The following ESRRB variants were observed in gnomAD, a reference collection of about 807,000 sequenced individuals.
The protein encoded by ESRRB is steroid hormone receptor ERR2.
Under a neutral mutation model 46.0 loss-of-function variants are expected in ESRRB, and 16 were observed. The observed-to-expected ratio is 0.35, with a 90% CI of 0.24 to 0.53. The LOEUF (loss-of-function observed/expected upper bound fraction) is 0.53. ESRRB is among the 20% of genes least tolerant of loss of function. ESRRB has a pLI of 0.93. For missense variants in ESRRB, 488 were observed against 607.4 expected, an observed-to-expected ratio of 0.80 and a Z score of 2.07; for synonymous variants, 246 against 259.6, an observed-to-expected ratio of 0.95 and a Z score of 0.50.
intron 1 of ESRRB, among the ~76,000 whole-genome samples, chr14:76,353,240 T>A (rs1884336220): frequency 6.6e-6 from 1 of 152,206 alleles, no homozygotes; most frequent in Admixed American, 6.5e-5. Flanking sequence ...CCCTCCTGGT[T>A]CTAACCTCAA....
intron 1 of ESRRB, among the ~76,000 whole-genome samples, chr14:76,422,325 C>T (rs1223338118): frequency 2.6e-5 from 4 of 151,440 alleles, no homozygotes; most frequent in African/African-American, 9.7e-5. Flanking sequence ...ATTCTCCTGC[C>T]TCAGCCTCCC....
chr14:76,405,708 C>T (rs1886157406), intron 1 of ESRRB, among the ~76,000 whole-genome samples: 1 of 151,690 alleles, frequency 6.6e-6, no homozygotes, highest in South Asian at 2.1e-4. Flanking sequence ...TCTCTGAGGT[C>T]GCGCCACTGC....
intron 1 of ESRRB, among the ~76,000 whole-genome samples, chr14:76,405,451 G>A (rs887900766): frequency 1.3e-5 from 2 of 152,210 alleles, no homozygotes; most frequent in Admixed American, 6.5e-5. Flanking sequence ...CTAGAGGGCA[G>A]ATGAACCGAT....
chr14:76,350,464 T>C (rs936563382), intron 1 of ESRRB, among the ~76,000 whole-genome samples: 2 of 152,174 alleles, frequency 1.3e-5, no homozygotes, highest in African/African-American at 4.8e-5. Context: ...AACACTTGCA[T>C]GGCTGCCCAG....
chr14:76,453,400 T>TG (rs917994997), intron 2 of ESRRB, among the ~76,000 whole-genome samples: 1 of 152,108 alleles, frequency 6.6e-6, no homozygotes, highest in Non-Finnish European at 1.5e-5. Flanking sequence ...GAGACAACAG[T>TG]GAACACTTTC....
At chr14:76,339,699 C>T (rs1036594954) in intron 1 of ESRRB, among the ~76,000 whole-genome samples, 15 of 152,282 alleles carry the variant, frequency 9.9e-5, no homozygotes, top group Admixed American at 2.6e-4. Flanking sequence ...CTCCTGGAGC[C>T]GACCCAGGCT....
chr14:76,447,983 C>T (rs8007394), intron 2 of ESRRB, among the ~76,000 whole-genome samples: 14,288 of 152,188 alleles, frequency 0.094, 1,183 homozygotes, highest in African/African-American at 0.22. Flanking sequence ...GATTGCCCCA[C>T]GTCTCATGCC....
chr14:76,337,602 G>C (rs1884142957), intron 1 of ESRRB, among the ~76,000 whole-genome samples: 1 of 152,206 alleles, frequency 6.6e-6, no homozygotes, highest in Non-Finnish European at 1.5e-5. Flanking sequence ...TTCACCTGAA[G>C]CTTCATCAGC....
chr14:76,409,832 G>T (rs188105122), intron 1 of ESRRB, among the ~76,000 whole-genome samples: 8 of 152,112 alleles, frequency 5.3e-5, no homozygotes, highest in Admixed American at 1.3e-4. Context: ...GAAGGGAAGG[G>T]TTTTCTGTGC....
At chr14:76,400,076 G>A (rs562592958) in intron 1 of ESRRB, among the ~76,000 whole-genome samples, 6 of 152,322 alleles carry the variant, frequency 3.9e-5, no homozygotes, top group South Asian at 4.1e-4. Flanking sequence ...TGGGAGGGCC[G>A]AATGAGCCAG....
intron 2 of ESRRB, among the ~76,000 whole-genome samples, chr14:76,451,909 G>C (rs2139963697): frequency 6.6e-6 from 1 of 150,752 alleles, no homozygotes; most frequent in East Asian, 2.0e-4. Flanking sequence ...AAAGTGCAGG[G>C]ATTACAGGCG....
In ESRRB at chr14:76,445,670, C is replaced by A. The variant is rs1888113876; in HGVS notation, c.460+5920C>A. Among the ~76,000 whole-genome samples, 4 of 150,838 alleles carry A rather than the reference C, an allele frequency of 2.7e-5. 1 individual carries two copies. The South Asian group carries it at 8.4e-4, about 32-fold the overall frequency. The stretch of plus-strand genomic sequence containing the variant: ...GGAGAAAGACTAAGACCGAGTCATT[C>A]CTTCTCCACCAATCTTTTTTTTTTT... On this transcript the variant is annotated intron_variant, in intron 2 of 6. Transcript: ENST00000644823.
intron 2 of ESRRB, among the ~76,000 whole-genome samples, chr14:76,447,526 C>T (rs1888203420): frequency 6.6e-6 from 1 of 152,104 alleles, no homozygotes; most frequent in Non-Finnish European, 1.5e-5. Flanking sequence ...AGCTCCATTC[C>T]TTTCACACCT....
At chr14:76,360,056 G>C (rs1187653412) in intron 1 of ESRRB, among the ~76,000 whole-genome samples, 2 of 152,034 alleles carry the variant, frequency 1.3e-5, no homozygotes, top group Non-Finnish European at 2.9e-5. Flanking sequence ...AGGTTGCCAG[G>C]GTCTAGTTTT....
At chr14:76,313,129 T>C (rs1052389015) in intron 1 of ESRRB, among the ~76,000 whole-genome samples, 5 of 136,200 alleles carry the variant, frequency 3.7e-5, no homozygotes, top group Admixed American at 7.2e-5. Flanking sequence ...GATAGGGGCT[T>C]GTCTGACCGT....
chr14:76,474,850 C>T (rs1349712588), intron 3 of ESRRB, among the ~76,000 whole-genome samples: 1 of 151,298 alleles, frequency 6.6e-6, no homozygotes, highest in African/African-American at 2.4e-5. Flanking sequence ...CAAAACAAAA[C>T]AAACCATTAT....
chr14:76,446,960 C>T (rs1186537261), intron 2 of ESRRB, among the ~76,000 whole-genome samples: 1 of 152,202 alleles, frequency 6.6e-6, no homozygotes, highest in African/African-American at 2.4e-5. Flanking sequence ...GACCCTGTCA[C>T]CCTGTGTCTC....
chr14:76,407,621 C>G, intron 1 of ESRRB: 1 of 984,448 alleles, frequency 1.0e-6, no homozygotes, highest in Non-Finnish European at 1.2e-6. Context: ...GTCGGGCCAG[C>G]AGGGCCACAT....
In ESRRB at chr14:76,419,211, C is replaced by T. The variant is rs891868256; in HGVS notation, c.51-20130C>T. Among the ~76,000 whole-genome samples the T allele has an allele frequency of 2.0e-4, 30 of 149,826 alleles. 2 individuals are homozygous for T. In the Middle Eastern group the frequency reaches 0.025, roughly 123 times the overall value. On this transcript the variant is annotated intron_variant, in intron 1 of 6. Coordinates refer to ENST00000644823, the MANE Select transcript of ESRRB (RefSeq NM_001379180.1). ...TACATTTTTAGTAGAGATGGGGTTT[C>T]GCCATGTTGGCCAGGCTGATCTCGA...
Sources: allele counts gnomAD v4.1 joint callset (sites outside exome capture counted in the v4.1 genomes callset), GRCh38; gene constraint gnomAD v4.1.1; transcripts MANE v1.5; gene names NCBI Gene and HGNC (gene_info 2026-07-23, HGNC 2026-07-21).